Variants in CTNNA3 observed in about 807,000 individuals in gnomAD.
CTNNA3 encodes catenin alpha-3.
CTNNA3 carries 76 observed loss-of-function variants against 95.7 expected under a neutral mutation model. The ratio of observed to expected loss-of-function variants is 0.79; its 90% confidence interval spans 0.66 to 0.96. The LOEUF (loss-of-function observed/expected upper bound fraction) is 0.96. Ranked by LOEUF, CTNNA3 falls within the 40% of genes least tolerant of loss-of-function variation. The probability of loss-of-function intolerance (pLI) is 0.00; values close to 1 mark genes in which losing one functional copy is unlikely to be tolerated. For synonymous variants in CTNNA3, 431 were observed against 374.4 expected, an observed-to-expected ratio of 1.15 and a Z score of -1.74; for missense variants, 1,191 against 1,089.8, an observed-to-expected ratio of 1.09 and a Z score of -1.31.
In CTNNA3 at chr10:67,362,580, G is replaced by T. The variant is rs142406469; in HGVS notation, c.580-142710C>A. On this transcript the variant is annotated intron_variant, in intron 5 of 17. Coordinates refer to ENST00000433211, the MANE Select transcript of CTNNA3 (RefSeq NM_013266.4). ...TTGCCAAAATCCAAAATCCCTTCAT[G>T]TTAAAAAACCTAACGAGCATATCTC... 6.4e-4 allele frequency among the ~76,000 whole-genome samples: 97 copies of T among 151,670 alleles called. 2 individuals carry two copies. Among genetic ancestry groups the T allele is most frequent in the African/African-American group, 2.2e-3 (90 of 41,432 alleles).
intron 2 of CTNNA3, among the ~76,000 whole-genome samples, chr10:67,643,533 CT>C (rs200866333): frequency 4.0e-5 from 6 of 151,294 alleles, no homozygotes; most frequent in South Asian, 4.2e-4. Context: ...ACAGGTTACT[CT>C]TTTTTTTTCT....
intron 2 of CTNNA3, among the ~76,000 whole-genome samples, chr10:67,612,287 A>C (rs924786435): frequency 1.1e-4 from 17 of 152,234 alleles, no homozygotes; most frequent in African/African-American, 4.1e-4. Context: ...GAAATACACA[A>C]CTAGTTGCAA....
intron 11 of CTNNA3, among the ~76,000 whole-genome samples, chr10:66,384,624 T>A (rs944165750): frequency 2.6e-5 from 4 of 152,132 alleles, no homozygotes; most frequent in Non-Finnish European, 5.9e-5. Context: ...CCATCCCAAA[T>A]CAACAGAATA....
chr10:67,697,996 G>C (rs866645006), upstream of CTNNA3, among the ~76,000 whole-genome samples: 15 of 152,164 alleles, frequency 9.9e-5, no homozygotes, highest in African/African-American at 3.6e-4. Flanking sequence ...GCCTTTCTCT[G>C]TGTGATCGCT....
chr10:67,193,580 G>A (rs1863215281), intron 6 of CTNNA3, among the ~76,000 whole-genome samples: 1 of 151,982 alleles, frequency 6.6e-6, no homozygotes, highest in Non-Finnish European at 1.5e-5. Context: ...TTATAAATGA[G>A]AGAATGCAGT....
intron 3 of CTNNA3, among the ~76,000 whole-genome samples, chr10:67,581,876 G>GT (rs1166199590): frequency 6.6e-6 from 1 of 152,124 alleles, no homozygotes; most frequent in Non-Finnish European, 1.5e-5. Context: ...TCTGATGGTA[G>GT]TTTGTATTTC....
chr10:66,456,047 A>C (rs1363072252), intron 11 of CTNNA3, among the ~76,000 whole-genome samples: 1 of 152,188 alleles, frequency 6.6e-6, no homozygotes. Flanking sequence ...AAGATATCAA[A>C]GGGCCAAATA....
chr10:67,224,366 T>C (rs781450130), intron 5 of CTNNA3, among the ~76,000 whole-genome samples: 4 of 152,222 alleles, frequency 2.6e-5, no homozygotes, highest in African/African-American at 9.6e-5. Context: ...CCGGGCTTAT[T>C]TGACTTAGCA....
chr10:67,284,317 T>A (rs1013783306), intron 5 of CTNNA3, among the ~76,000 whole-genome samples: 1 of 152,218 alleles, frequency 6.6e-6, no homozygotes, highest in Admixed American at 6.5e-5. Context: ...GGGGCTATGC[T>A]TTTGAATTAC....
chr10:66,567,723 T>A (rs1842756704), intron 10 of CTNNA3, among the ~76,000 whole-genome samples: 1 of 152,202 alleles, frequency 6.6e-6, no homozygotes, highest in Non-Finnish European at 1.5e-5. Context: ...GCCATTTTAC[T>A]AAGATATTGT....
At chr10:66,462,444 T>C (rs962204657) in intron 11 of CTNNA3, among the ~76,000 whole-genome samples, 2 of 152,130 alleles carry the variant, frequency 1.3e-5, no homozygotes, top group Admixed American at 1.3e-4. Context: ...CTCCCACAAG[T>C]AATATCATTA....
intron 1 of CTNNA3, among the ~76,000 whole-genome samples, chr10:67,762,541 C>T (rs1203679775): frequency 6.6e-6 from 1 of 152,080 alleles, no homozygotes; most frequent in African/African-American, 2.4e-5. Context: ...TATCAACATT[C>T]AACTGCACAG....
intron 9 of CTNNA3, among the ~76,000 whole-genome samples, chr10:66,758,178 T>G (rs1317984291): frequency 6.6e-6 from 1 of 152,152 alleles, no homozygotes; most frequent in African/African-American, 2.4e-5. Flanking sequence ...ACTCTCCCCT[T>G]TGGTTTTTAG....
At chr10:66,020,781 C>G (rs1236208556) in intron 15 of CTNNA3, among the ~76,000 whole-genome samples, 3 of 151,450 alleles carry the variant, frequency 2.0e-5, no homozygotes, top group Non-Finnish European at 4.4e-5. Context: ...ACGCCATTCT[C>G]CCACCTCAGC....
At chr10:67,647,637 A>T (rs1839758369) in intron 1 of CTNNA3, 119 bp from the exon 2 acceptor site, 2 of 714,104 alleles carry the variant, frequency 2.8e-6, no homozygotes, top group African/African-American at 1.8e-5. Context: ...GATATCAACC[A>T]TAGCCCTCAG....
At chr10:66,720,508 C>T (rs1201920685) in intron 9 of CTNNA3, among the ~76,000 whole-genome samples, 1 of 152,120 alleles carries the variant, frequency 6.6e-6, no homozygotes, top group Non-Finnish European at 1.5e-5. Context: ...TCTAATGTGA[C>T]TGAGGAAAAC....
chr10:66,029,417 A>G (rs1172754534), intron 15 of CTNNA3, among the ~76,000 whole-genome samples: 1 of 152,014 alleles, frequency 6.6e-6, no homozygotes, highest in Non-Finnish European at 1.5e-5. Context: ...AAGATCAGGT[A>G]CACTTCCCAG....
intron 7 of CTNNA3, among the ~76,000 whole-genome samples, chr10:66,807,112 T>G (rs1390738423): frequency 2.0e-5 from 3 of 152,202 alleles, no homozygotes; most frequent in African/African-American, 7.2e-5. Flanking sequence ...TTGGTGTTTA[T>G]CAATGATGAG....
At chr10:66,028,982 G>C (rs556798555) in intron 15 of CTNNA3, among the ~76,000 whole-genome samples, 37 of 152,086 alleles carry the variant, frequency 2.4e-4, no homozygotes, top group African/African-American at 8.4e-4. Flanking sequence ...AAGATAAAAT[G>C]AAGAATAGGA....
Sources: allele counts gnomAD v4.1 joint callset (sites outside exome capture counted in the v4.1 genomes callset), GRCh38; gene constraint gnomAD v4.1.1; transcripts MANE v1.5; gene names NCBI Gene and HGNC (gene_info 2026-07-23, HGNC 2026-07-21).